Variants in DNAJB11 observed in about 807,000 individuals in gnomAD.
DNAJB11 encodes the protein dnaJ homolog subfamily B member 11.
In DNAJB11, 30 loss-of-function variants were observed where a neutral mutation model predicts 47.2. The ratio of observed to expected loss-of-function variants is 0.64; its 90% CI spans 0.48 to 0.86. The LOEUF (loss-of-function observed/expected upper bound fraction) is 0.86, where lower values mean the gene tolerates loss of function less well. Among genes scored for constraint, DNAJB11 ranks in the 40% least tolerant of loss-of-function variants. The pLI is 0.00. For missense variants in DNAJB11, 357 were observed against 440.2 expected, an observed-to-expected ratio of 0.81 and a Z score of 1.69; for synonymous variants, 151 against 159.9, an observed-to-expected ratio of 0.94 and a Z score of 0.42.
At chr3:186,571,663 A>G (rs1300833499) in intron 1 of DNAJB11, among the ~76,000 whole-genome samples, 1 of 152,242 alleles carries the variant, frequency 6.6e-6, no homozygotes, top group Non-Finnish European at 1.5e-5. Flanking sequence ...TTTTTAAAGA[A>G]GGAAAATCAT....
intron 4 of DNAJB11, chr3:186,579,064 G>A (rs991681248): frequency 3.3e-5 from 5 of 152,140 alleles, no homozygotes; most frequent in African/African-American, 1.2e-4. Flanking sequence ...CTGCACTCTA[G>A]CCTGGACAAC....
chr3:186,576,841 C>A (rs189131484), intron 3 of DNAJB11, among the ~76,000 whole-genome samples: 1 of 152,190 alleles, frequency 6.6e-6, no homozygotes, highest in African/African-American at 2.4e-5. Context: ...CCCCAGCCCC[C>A]ACCCTGTTCT....
rs6771752 is a variant in DNAJB11 at position 186,576,844 on chromosome 3, C to T, written c.324-824C>T. Among the ~76,000 whole-genome samples, 824 of 152,252 alleles carry T rather than the reference C, an allele frequency of 5.4e-3. 9 individuals are homozygous for T. Among genetic ancestry groups the T allele is most frequent in the African/African-American group, 0.018 (765 of 41,536 alleles). On this transcript the variant is annotated intron_variant, in intron 3 of 9. Coordinates refer to ENST00000265028, the MANE Select transcript of DNAJB11 (RefSeq NM_016306.6). ...GAGAAACAGCTTCCCCAGCCCCCAC[C>T]CTGTTCTTTCCCCTTGCCTTTATTT...
rs562820895 is a variant in DNAJB11, at chr3:186,576,323, G to A, written c.323+386G>A. Among the ~76,000 whole-genome samples the A allele has an allele frequency of 2.6e-4, 39 of 152,258 alleles. No individual in the cohort carries two copies. The South Asian group carries it at 6.6e-3, about 26-fold the overall frequency. On this transcript the variant is annotated intron_variant, in intron 3 of 9. Coordinates refer to ENST00000265028, the MANE Select transcript of DNAJB11 (RefSeq NM_016306.6). ...CCATACCCAGAGCTGCCTCTCTTTC[G>A]TGCTATCAACAAGTGAGGGTGATTA...
chr3:186,584,604 TGTGTGTGTGTGTGTGTGTTTGTG>T lies in DNAJB11; in HGVS notation c.1012+16_1012+38del. ...AGCGAGAGAAGGTATGGCATATTAG[TGTGTGTGTGTGTGTGTGTTTGTG>T]TGTGTGTATGTGTGTGTGTGTGAGA... is the stretch of plus-strand genomic sequence containing the variant. On this transcript the variant is annotated intron_variant, in intron 9 of 9. Coordinates refer to ENST00000265028, the MANE Select transcript of DNAJB11 (RefSeq NM_016306.6). 6.7e-7 allele frequency: 1 copy of T among 1,499,966 alleles called. No individual in the cohort carries two copies. The highest frequency in any genetic ancestry group is 8.8e-7 in the Non-Finnish European group (1 of 1,131,276). The allele number at this position is 1,499,966 out of a possible 1,614,324, so 92.9% of individuals were successfully genotyped here. A position where few individuals can be genotyped will look rare whatever the true frequency, so the allele number is the denominator to read the frequency against.
intron 2 of DNAJB11, among the ~76,000 whole-genome samples, chr3:186,574,397 G>A (rs1715190941): frequency 6.6e-6 from 1 of 151,700 alleles, no homozygotes; most frequent in African/African-American, 2.4e-5. Context: ...TCAAATGCAG[G>A]GTTCATTTAT....
At chr3:186,581,939 G>A (rs1715499897) in intron 5 of DNAJB11, 56 bp from the exon 6 acceptor site, 1 of 1,394,434 alleles carries the variant, frequency 7.2e-7, no homozygotes, top group South Asian at 1.2e-5. Context: ...ATCTATATCT[G>A]ATGTTTTGTT....
At chr3:186,578,993 G>A (rs1461799310) in intron 4 of DNAJB11, 1 of 152,228 alleles carries the variant, frequency 6.6e-6, no homozygotes, top group East Asian at 1.9e-4. Context: ...GAGGTAGGAG[G>A]ATTGCTTGAG....
In DNAJB11 at chr3:186,572,210, C is replaced by T; in HGVS notation, c.184C>T (p.Gln62Ter). 2 of 1,613,670 alleles carry T rather than the reference C, an allele frequency of 1.2e-6. No homozygotes were observed. Among genetic ancestry groups the T allele is most frequent in the Non-Finnish European group, 1.7e-6 (2 of 1,179,890 alleles). The change falls in exon 2 of 10, where the codon CAA becomes TAA. Residue 62 changes from glutamine to a stop codon, truncating the protein, a stop_gained. Transcript: ENST00000265028. LOFTEE classifies it high-confidence loss of function. Reference protein sequence around the residue: ...LHPDRNPDDPQAQEKFQDLGA... With the variant: ...LHPDRNPDDP The stretch of plus-strand genomic sequence containing the variant: ...TCCCGACCGGAACCCTGATGATCCA[C>T]AAGCCCAGGAGAAATTCCAGGATCT...
chr3:186,585,311 G>T, intron 9 of DNAJB11, 33 bp from the exon 10 acceptor site: 2 of 1,577,950 alleles, frequency 1.3e-6, no homozygotes, highest in Admixed American at 1.8e-5. Context: ...ACATTTTTTT[G>T]TTAATGGAGT....
At position 186,572,113 on chromosome 3, in the gene DNAJB11, C is replaced by A. The variant is rs1488176787; in HGVS notation, c.87C>A (p.Ile29=). 1 of 1,597,416 alleles carries A rather than the reference C, an allele frequency of 6.3e-7. No individual in the cohort carries two copies. Among genetic ancestry groups the A allele is most frequent in the East Asian group, 2.2e-5 (1 of 44,686 alleles). The part of the protein sequence containing the change: ...AVIAGRDFYK[I]LGVPRSASIK... ...TTCCCAGACGAGATTTCTATAAGATCTTGGGGGTGCCTCGAAGTGCCTCTA... is the reference window on the plus strand; with the variant it reads ...TTCCCAGACGAGATTTCTATAAGATATTGGGGGTGCCTCGAAGTGCCTCTA... Residue 29 remains isoleucine (I), a synonymous_variant, in exon 2 of 10, where the codon ATC becomes ATA. Transcript: ENST00000265028.
intron 4 of DNAJB11, chr3:186,580,081 GGTT>G (rs1715433213): frequency 6.6e-6 from 1 of 152,230 alleles, no homozygotes; most frequent in African/African-American, 2.4e-5. Flanking sequence ...AAACCAGTGA[GGTT>G]GTTTAGATGG....
chr3:186,583,938 G>T lies in DNAJB11; in HGVS notation c.814G>T (p.Gly272Cys). ...VTISLVESLVGFEMDITHLDG... is the reference protein window; with the variant it reads ...VTISLVESLVCFEMDITHLDG... ...AATCTCATTAGTTGAGTCACTGGTT[G>T]GCTTTGAGATGGATATTACTCACTT... Residue 272 changes from glycine (G) to cysteine (C), a missense_variant, in exon 8 of 10, where the codon GGC becomes TGC. Coordinates refer to ENST00000265028, the MANE Select transcript of DNAJB11 (RefSeq NM_016306.6). 6.2e-7 allele frequency: 1 copy of T among 1,613,748 alleles called. No homozygotes were observed.
chr3:186,572,140 A>G lies in DNAJB11; in HGVS notation c.114A>G (p.Ile38Met), dbSNP rs767931261. The change falls in exon 2 of 10, where the codon ATA becomes ATG. Residue 38 changes from isoleucine to methionine, a missense_variant. Physicochemically the swap from Ile to Met is conservative, Grantham distance 10 (BLOSUM62 1). Transcript: ENST00000265028. ...KILGVPRSASIKDIKKAYRKL... is the reference protein window; with the variant it reads ...KILGVPRSASMKDIKKAYRKL... ...TGGGGGTGCCTCGAAGTGCCTCTAT[A>G]AAGGATATTAAAAAGGCCTATAGGA... 56 of 1,611,924 alleles carry G rather than the reference A, an allele frequency of 3.5e-5. No individual in the cohort carries two copies. Among genetic ancestry groups the G allele is most frequent in the Admixed American group, 3.2e-4 (19 of 59,588 alleles).
chr3:186,571,037 G>GGGGGGGT, intron 1 of DNAJB11, 72 bp downstream of exon 1: 1 of 940,414 alleles, frequency 1.1e-6, no homozygotes, highest in Non-Finnish European at 1.6e-6. Flanking sequence ...GGGGGTGGGG[G>GGGGGGGT]AAGTGGCATT....
intron 4 of DNAJB11, chr3:186,578,872 T>G (rs1295181008): frequency 6.6e-6 from 1 of 152,252 alleles, no homozygotes; most frequent in Non-Finnish European, 1.5e-5. Context: ...AATCTATCAG[T>G]CTTTAATGGT....
intron 2 of DNAJB11, among the ~76,000 whole-genome samples, chr3:186,573,466 G>A (rs938649848): frequency 2.6e-5 from 4 of 151,974 alleles, no homozygotes; most frequent in African/African-American, 9.7e-5. Flanking sequence ...CTCACTGCAA[G>A]CTCCGCCTCC....
rs56227532 is a variant in DNAJB11, at chr3:186,576,030, T to C, written c.323+93T>C. 71,353 of 902,548 alleles carry C rather than the reference T, an allele frequency of 0.079. 3,437 individuals carry two copies. The highest frequency in any genetic ancestry group is 0.16 in the African/African-American group (9,613 of 59,588). 55.9% of individuals were successfully genotyped at this position (902,548 alleles called of 1,614,324 possible). On this transcript the variant is annotated intron_variant, in intron 3 of 9. Coordinates refer to ENST00000265028, the MANE Select transcript of DNAJB11 (RefSeq NM_016306.6). ...TTCTCATTCCCTAGTTCAGAAACTT[T>C]TGATGAACAGTACAATTTAGCTGAT...
At chr3:186,582,668 G>C in intron 6 of DNAJB11, 48 bp from the exon 7 acceptor site, 1 of 1,452,736 alleles carries the variant, frequency 6.9e-7, no homozygotes, top group East Asian at 2.4e-5. Flanking sequence ...TAGATTTGTG[G>C]TATTCAACTT....
Sources: gnomAD v4.1 joint callset for allele counts (sites outside exome capture counted in the v4.1 genomes callset) on GRCh38, gnomAD v4.1.1 for gene constraint, MANE v1.5 for transcripts, NCBI Gene and HGNC (gene_info 2026-07-23, HGNC 2026-07-21) for gene names.